CNTNAP2: variants seen among roughly 807,000 people sequenced by gnomAD.
CNTNAP2 encodes the protein contactin associated protein 2, also known as contactin-associated protein-like 2.
In CNTNAP2, 98 loss-of-function variants were observed where a neutral mutation model predicts 155.2. The observed-to-expected ratio is 0.63, with a 90% CI of 0.54 to 0.75. CNTNAP2 has a LOEUF of 0.75. CNTNAP2 is among the 30% of genes least tolerant of loss of function. CNTNAP2 has a pLI of 0.00. For missense variants in CNTNAP2, 1,727 were observed against 1,688.1 expected, an observed-to-expected ratio of 1.02 and a Z score of -0.40; for synonymous variants, 651 against 631.2, an observed-to-expected ratio of 1.03 and a Z score of -0.47.
At chr7:147,490,875 A>G (rs1181681676) in intron 11 of CNTNAP2, among the ~76,000 whole-genome samples, 2 of 152,170 alleles carry the variant, frequency 1.3e-5, no homozygotes, top group Non-Finnish European at 2.9e-5. Flanking sequence ...CCTTCTTGAC[A>G]TGGTGGCAGG....
chr7:147,772,122 G>C (rs1797479665), intron 13 of CNTNAP2, among the ~76,000 whole-genome samples: 1 of 151,982 alleles, frequency 6.6e-6, no homozygotes, highest in Non-Finnish European at 1.5e-5. Context: ...GTAATTGTAT[G>C]CTTTTAAAAT....
chr7:147,358,409 G>T (rs893731564), intron 9 of CNTNAP2, among the ~76,000 whole-genome samples: 1 of 151,956 alleles, frequency 6.6e-6, no homozygotes, highest in African/African-American at 2.4e-5. Context: ...TAGTAAGTAG[G>T]TGTTATTGTC....
chr7:148,212,012 G>A (rs1018359574), intron 18 of CNTNAP2, among the ~76,000 whole-genome samples: 1 of 152,150 alleles, frequency 6.6e-6, no homozygotes, highest in African/African-American at 2.4e-5. Flanking sequence ...CAAAATATAG[G>A]TTGCAAAATC....
At chr7:147,028,138 C>T (rs931577697) in intron 3 of CNTNAP2, among the ~76,000 whole-genome samples, 1 of 152,098 alleles carries the variant, frequency 6.6e-6, no homozygotes, top group Non-Finnish European at 1.5e-5. Context: ...ATCACAGTCT[C>T]ATGGAGAAGA....
chr7:146,879,053 G>C (rs1286938580), intron 3 of CNTNAP2, among the ~76,000 whole-genome samples: 1 of 152,170 alleles, frequency 6.6e-6, no homozygotes, highest in Non-Finnish European at 1.5e-5. Context: ...CTCCAGGCTT[G>C]TAGTAACTGC....
intron 11 of CNTNAP2, among the ~76,000 whole-genome samples, chr7:147,558,052 T>G (rs930643276): frequency 2.0e-5 from 3 of 152,212 alleles, no homozygotes; most frequent in Non-Finnish European, 4.4e-5. Context: ...TCTAGATACA[T>G]ATTTTTAAAT....
chr7:146,657,124 A>T (rs1286351778), intron 1 of CNTNAP2, among the ~76,000 whole-genome samples: 1 of 152,154 alleles, frequency 6.6e-6, no homozygotes, highest in Non-Finnish European at 1.5e-5. Context: ...AACTAAAATG[A>T]TCCTCACAGC....
At chr7:146,436,047 G>A (rs547215726) in intron 1 of CNTNAP2, among the ~76,000 whole-genome samples, 72 of 152,212 alleles carry the variant, frequency 4.7e-4, no homozygotes, top group Non-Finnish European at 7.5e-4. Flanking sequence ...TAATGCCGAT[G>A]AGTTATTCAG....
rs1563059061 is a variant in CNTNAP2, at chr7:148,365,722, GTGTATATATGTATGTGTATACA to G, written c.3476-17920_3476-17899del. Among the ~76,000 whole-genome samples, 115 of 47,454 alleles carry G rather than the reference GTGTATATATGTATGTGTATACA, an allele frequency of 2.4e-3. 31 individuals carry two copies. The highest frequency in any genetic ancestry group is 5.2e-3 in the African/African-American group (98 of 18,946). 31.1% of individuals were successfully genotyped at this position (47,454 alleles called of 152,430 possible). On this transcript the variant is annotated intron_variant, in intron 21 of 23. Coordinates refer to ENST00000361727, the MANE Select transcript of CNTNAP2 (RefSeq NM_014141.6). ...TGTATACTTTTATATATATGTATAC[GTGTATATATGTATGTGTATACA>G]TGTATACATGTATGTGTATACGTGT...
At chr7:147,801,412 G>C (rs181573494) in intron 13 of CNTNAP2, among the ~76,000 whole-genome samples, 1 of 151,126 alleles carries the variant, frequency 6.6e-6, no homozygotes, top group Non-Finnish European at 1.5e-5. Context: ...TGGAGGGAAG[G>C]TCGGCAGATA....
chr7:146,542,918 A>T (rs969080478), intron 1 of CNTNAP2, among the ~76,000 whole-genome samples: 54 of 151,858 alleles, frequency 3.6e-4, no homozygotes, highest in African/African-American at 1.3e-3. Context: ...GGAAGAGGGG[A>T]TGGGAGTTGG....
intron 4 of CNTNAP2, among the ~76,000 whole-genome samples, chr7:147,101,752 A>T (rs1217626723): frequency 6.6e-6 from 1 of 152,002 alleles, no homozygotes; most frequent in African/African-American, 2.4e-5. Context: ...ACCCCTCTTG[A>T]TGTACAGACG....
chr7:146,319,484 A>T (rs1197821362), intron 1 of CNTNAP2, among the ~76,000 whole-genome samples: 1 of 152,178 alleles, frequency 6.6e-6, no homozygotes, highest in African/African-American at 2.4e-5. Context: ...TACAAATTGG[A>T]CAAACAAATG....
intron 16 of CNTNAP2, among the ~76,000 whole-genome samples, chr7:148,142,038 A>C (rs1332501349): frequency 6.6e-6 from 1 of 151,906 alleles, no homozygotes; most frequent in Non-Finnish European, 1.5e-5. Context: ...GGGATAGATA[A>C]GGTCAAAAGA....
intron 1 of CNTNAP2, among the ~76,000 whole-genome samples, chr7:146,502,722 A>G (rs1797323816): frequency 6.6e-6 from 1 of 152,010 alleles, no homozygotes; most frequent in African/African-American, 2.4e-5. Flanking sequence ...AGCAATTCTC[A>G]TGTCTCAGCC....
At chr7:147,947,850 G>A (rs1800847806) in intron 14 of CNTNAP2, among the ~76,000 whole-genome samples, 1 of 152,082 alleles carries the variant, frequency 6.6e-6, no homozygotes, top group Non-Finnish European at 1.5e-5. Flanking sequence ...CAAAATGGAT[G>A]CCTGGCTTTC....
chr7:147,435,769 T>C, intron 10 of CNTNAP2, among the ~76,000 whole-genome samples: 1 of 152,212 alleles, frequency 6.6e-6, no homozygotes, highest in East Asian at 1.9e-4. Flanking sequence ...CAGGTATTTA[T>C]ATTCTTAGGG....
At chr7:147,755,907 G>C (rs1277309830) in intron 13 of CNTNAP2, among the ~76,000 whole-genome samples, 1 of 152,174 alleles carries the variant, frequency 6.6e-6, no homozygotes, top group Non-Finnish European at 1.5e-5. Flanking sequence ...AAAGTTTGTA[G>C]GGAGTAGATT....
intron 3 of CNTNAP2, among the ~76,000 whole-genome samples, chr7:147,025,485 C>A (rs1194824961): frequency 1.7e-4 from 1 of 5,810 alleles, no homozygotes; most frequent in Non-Finnish European, 2.9e-4. Flanking sequence ...GGGGAGGGGA[C>A]GGGAGGGGAG....
Sources: allele counts gnomAD v4.1 joint callset (sites outside exome capture counted in the v4.1 genomes callset), GRCh38; gene constraint gnomAD v4.1.1; transcripts MANE v1.5; gene names NCBI Gene and HGNC (gene_info 2026-07-23, HGNC 2026-07-21).